TTC39C: variants seen among roughly 807,000 people sequenced by gnomAD.
The protein encoded by TTC39C is tetratricopeptide repeat protein 39C.
Under a neutral mutation model 76.3 loss-of-function variants are expected in TTC39C, and 33 were observed. That is an observed-to-expected ratio of 0.43 (90% CI 0.33 to 0.58). TTC39C has a LOEUF of 0.58. Among genes scored for constraint, TTC39C ranks in the 20% least tolerant of loss-of-function variants. The probability of loss-of-function intolerance (pLI) is 0.04; values close to 1 mark genes in which losing one functional copy is unlikely to be tolerated. For missense variants in TTC39C, 595 were observed against 701.4 expected (o/e 0.85, Z 1.71); for synonymous variants, 254 against 260.6 (o/e 0.97, Z 0.24).
In TTC39C at chr18:24,014,834, C is replaced by G; in HGVS notation, c.-38C>G. ...CGCGCGGGGCCGCAGCAGCTGCTCC[C>G]GATCTCGCCTCGGCCCAGCGCAGGG... On this transcript the variant is annotated 5_prime_UTR_variant, in exon 1 of 14. Transcript: ENST00000317571. 8.2e-7 allele frequency: 1 copy of G among 1,226,116 alleles called. No individual in the cohort carries two copies. Among genetic ancestry groups the G allele is most frequent in the Non-Finnish European group, 1.0e-6 (1 of 977,430 alleles). 76.0% of individuals were successfully genotyped at this position (1,226,116 alleles called of 1,614,324 possible). A position where few individuals can be genotyped will look rare whatever the true frequency, so the allele number is the denominator to read the frequency against.
In TTC39C at chr18:24,082,907, C is replaced by T; in HGVS notation, c.816-6C>T. 4 of 1,581,540 alleles carry T rather than the reference C, an allele frequency of 2.5e-6. No individual in the cohort carries two copies. The highest frequency in any genetic ancestry group is 3.4e-6 in the Non-Finnish European group (4 of 1,162,114). ...GTGCTCAATGTTTCTCTCCCTCTTC[C>T]TCTAGATTAGCTCTGCTCTGGTATC... On this transcript the variant is annotated splice_polypyrimidine_tract_variant and splice_region_variant and intron_variant, in intron 5 of 13. Coordinates refer to ENST00000317571, the MANE Select transcript of TTC39C (RefSeq NM_001135993.2).
intron 1 of TTC39C, among the ~76,000 whole-genome samples, chr18:23,997,574 A>AG (rs1568398661): frequency 1.4e-5 from 2 of 142,634 alleles, no homozygotes; most frequent in African/African-American, 5.3e-5. Context: ...AAAAAAAAAA[A>AG]AGAGAAAGAA....
chr18:24,064,295 A>G, intron 2 of TTC39C, 107 bp downstream of exon 2: 1 of 1,323,880 alleles, frequency 7.6e-7, no homozygotes, highest in Non-Finnish European at 1.0e-6. Context: ...AAAGTCTTTT[A>G]GAGTTTAAAA....
rs2083972178 is a variant in TTC39C at position 24,053,045 on chromosome 18, G to A, written c.168-11095G>A. ...ACAGATGCTGTCGAATCATATATGAGATCTCTAAGGATGCTATCTGTAATA... is the reference window on the plus strand; with the variant it reads ...ACAGATGCTGTCGAATCATATATGAAATCTCTAAGGATGCTATCTGTAATA... On this transcript the variant is annotated intron_variant, in intron 1 of 13. Transcript: ENST00000317571. Among the ~76,000 whole-genome samples the A allele has an allele frequency of 2.0e-5, 3 of 152,232 alleles. No individual in the cohort carries two copies. The South Asian group carries it at 6.2e-4, about 31-fold the overall frequency.
chr18:23,999,186 G>A (rs1015632145), intron 1 of TTC39C, among the ~76,000 whole-genome samples: 1 of 152,238 alleles, frequency 6.6e-6, no homozygotes, highest in South Asian at 2.1e-4. Flanking sequence ...TTCCACCTTC[G>A]AAACCTAAGC....
chr18:24,075,317 G>C (rs1010955427), intron 4 of TTC39C, among the ~76,000 whole-genome samples: 5 of 152,090 alleles, frequency 3.3e-5, no homozygotes, highest in African/African-American at 1.2e-4. Context: ...AAAAAAGTCT[G>C]TTGGTGAAGG....
chr18:24,125,941 A>G (rs372309047), intron 10 of TTC39C, among the ~76,000 whole-genome samples: 5 of 152,222 alleles, frequency 3.3e-5, no homozygotes, highest in African/African-American at 9.7e-5. Flanking sequence ...TAATCCCAGC[A>G]CTTTGAAAGG....
intron 1 of TTC39C, among the ~76,000 whole-genome samples, chr18:24,041,463 GA>G (rs2083791925): frequency 6.6e-6 from 1 of 152,180 alleles, no homozygotes; most frequent in Non-Finnish European, 1.5e-5. Flanking sequence ...CCGTGTAAGA[GA>G]AGGGCCAAGA....
rs74726841 is a variant in TTC39C, at chr18:24,129,920, A to T, written c.1519-393A>T. ...CCCTAAATAGCTTATTTTAGATCAA[A>T]TGCTTATGTGCTAGCAAGATACAGT... On this transcript the variant is annotated intron_variant, in intron 11 of 13. Transcript: ENST00000317571. Among the ~76,000 whole-genome samples the T allele has an allele frequency of 2.6e-3, 395 of 152,296 alleles. 1 individual carries two copies. The highest frequency in any genetic ancestry group is 9.1e-3 in the African/African-American group (377 of 41,572).
At chr18:24,058,381 G>A (rs916763561) in intron 1 of TTC39C, among the ~76,000 whole-genome samples, 8 of 152,304 alleles carry the variant, frequency 5.3e-5, no homozygotes, top group Admixed American at 3.3e-4. Context: ...GAGGCTGGAC[G>A]CAATAGCTCA....
chr18:24,021,857 G>A (rs973251862), intron 1 of TTC39C, among the ~76,000 whole-genome samples: 1 of 152,170 alleles, frequency 6.6e-6, no homozygotes, highest in South Asian at 2.1e-4. Flanking sequence ...AGAGAGTCAG[G>A]AAGTTCATCT....
intron 10 of TTC39C, among the ~76,000 whole-genome samples, chr18:24,127,225 G>C (rs1026952045): frequency 6.6e-6 from 1 of 152,224 alleles, no homozygotes; most frequent in African/African-American, 2.4e-5. Flanking sequence ...ATGGTAAGCA[G>C]TAATGGTACA....
intron 1 of TTC39C, among the ~76,000 whole-genome samples, chr18:24,019,138 C>T (rs779372906): frequency 1.3e-5 from 2 of 152,140 alleles, no homozygotes; most frequent in Admixed American, 1.3e-4. Flanking sequence ...GCCTGAGGAG[C>T]GTGAGACGTT....
chr18:24,063,726 C>T (rs576163295), intron 1 of TTC39C, among the ~76,000 whole-genome samples: 58 of 152,214 alleles, frequency 3.8e-4, no homozygotes, highest in African/African-American at 1.3e-3. Context: ...GTTGGCTAGG[C>T]TGGTCTCCAA....
intron 1 of TTC39C, among the ~76,000 whole-genome samples, chr18:24,033,440 G>T (rs1568412666): frequency 6.6e-6 from 1 of 152,044 alleles, no homozygotes; most frequent in Non-Finnish European, 1.5e-5. Context: ...TCTCCTCCAA[G>T]CTGACTCAAT....
At chr18:24,045,266 C>A (rs1315473648) in intron 1 of TTC39C, among the ~76,000 whole-genome samples, 1 of 628 alleles carries the variant, frequency 1.6e-3, no homozygotes, top group African/African-American at 3.9e-3. Context: ...AAGACTCTGT[C>A]TCCAAAAAAA....
intron 6 of TTC39C, among the ~76,000 whole-genome samples, chr18:24,088,754 G>A (rs919732673): frequency 2.6e-5 from 4 of 152,110 alleles, no homozygotes; most frequent in Admixed American, 6.6e-5. Flanking sequence ...CCTTTACGTC[G>A]CCATATTCAT....
At chr18:24,096,050 A>G (rs985159882) in intron 6 of TTC39C, among the ~76,000 whole-genome samples, 1 of 152,242 alleles carries the variant, frequency 6.6e-6, no homozygotes, top group African/African-American at 2.4e-5. Flanking sequence ...GTGGTGCTCC[A>G]AAACAATTAA....
intron 4 of TTC39C, among the ~76,000 whole-genome samples, chr18:24,078,618 C>T (rs376182982): frequency 6.6e-6 from 1 of 152,284 alleles, no homozygotes; most frequent in South Asian, 2.1e-4. Context: ...TGCAGGGAGT[C>T]ACACAGGATG....
Sources: gnomAD v4.1 joint callset for allele counts (sites outside exome capture counted in the v4.1 genomes callset) on GRCh38, gnomAD v4.1.1 for gene constraint, MANE v1.5 for transcripts, NCBI Gene and HGNC (gene_info 2026-07-23, HGNC 2026-07-21) for gene names.